The following PARG variants were observed in gnomAD, a reference collection of about 807,000 sequenced individuals.
The protein encoded by PARG is mitochondrial poly(ADP-ribose) glycohydrolase.
Under a neutral mutation model 113.0 loss-of-function variants are expected in PARG, and 35 were observed. That is an observed-to-expected ratio of 0.31 (90% CI 0.24 to 0.41). The LOEUF is 0.41. Ranked by LOEUF, PARG falls within the 10% of genes least tolerant of loss-of-function variation. The pLI, the probability that PARG is intolerant of heterozygous loss-of-function variation, is 1.00. For missense variants in PARG, 797 were observed against 1,169.4 expected (o/e 0.68, Z 4.64); for synonymous variants, 330 against 409.9 (o/e 0.81, Z 2.36).
At chr10:49,940,388 G>A (rs1412403789) in intron 1 of PARG, among the ~76,000 whole-genome samples, 4 of 145,232 alleles carry the variant, frequency 2.8e-5, no homozygotes, top group Non-Finnish European at 6.0e-5. Flanking sequence ...AATGCCCTTA[G>A]AGTTCAAAAT....
intron 7 of PARG, among the ~76,000 whole-genome samples, chr10:49,914,478 A>G (rs78281015): frequency 6.8e-4 from 104 of 152,368 alleles, no homozygotes; most frequent in Non-Finnish European, 1.0e-3. Context: ...CAAAAGCTCA[A>G]TAAGATAATT....
At chr10:49,888,110 T>A (rs1310415085) in intron 7 of PARG, among the ~76,000 whole-genome samples, 1 of 152,148 alleles carries the variant, frequency 6.6e-6, no homozygotes, top group African/African-American at 2.4e-5. Context: ...GGTGTCAACA[T>A]TTCACCAGTT....
At chr10:49,915,627 G>C (rs1460462494) in intron 7 of PARG, among the ~76,000 whole-genome samples, 4 of 151,950 alleles carry the variant, frequency 2.6e-5, no homozygotes, top group African/African-American at 9.7e-5. Context: ...GTATGTTTGA[G>C]AATATAAGAA....
chr10:49,903,432 A>G (rs1404273604), intron 7 of PARG, among the ~76,000 whole-genome samples: 1 of 152,060 alleles, frequency 6.6e-6, no homozygotes, highest in Non-Finnish European at 1.5e-5. Flanking sequence ...CAAGGCCCAC[A>G]TTTTTGTGTG....
intron 15 of PARG, among the ~76,000 whole-genome samples, chr10:49,834,540 T>C (rs961848874): frequency 1.3e-5 from 2 of 152,200 alleles, no homozygotes; most frequent in South Asian, 2.1e-4. Context: ...TGGAAAATTA[T>C]CTATCTTGAA....
chr10:49,904,243 T>C (rs1848471443), intron 7 of PARG, among the ~76,000 whole-genome samples: 2 of 152,058 alleles, frequency 1.3e-5, no homozygotes, highest in South Asian at 4.1e-4. Flanking sequence ...GTGACAAGGC[T>C]AGTTTTAGGT....
chr10:49,921,746 A>AAT (rs59723259), intron 6 of PARG, among the ~76,000 whole-genome samples: 2,057 of 148,244 alleles, frequency 0.014, 40 homozygotes, highest in African/African-American at 0.044. Context: ...CCCAAATATA[A>AAT]ATATATATAT....
chr10:49,897,458 T>C (rs1375109179), intron 7 of PARG, among the ~76,000 whole-genome samples: 4 of 152,318 alleles, frequency 2.6e-5, no homozygotes, highest in African/African-American at 9.6e-5. Context: ...ATACTTGTAT[T>C]AGAACACTTA....
At chr10:49,841,271 G>C (rs1376806083) in intron 15 of PARG, among the ~76,000 whole-genome samples, 1 of 151,410 alleles carries the variant, frequency 6.6e-6, no homozygotes, top group African/African-American at 2.4e-5. Context: ...AAGAAAAAAA[G>C]AAAAAAAAGA....
intron 16 of PARG, among the ~76,000 whole-genome samples, chr10:49,825,003 A>G (rs1287639590): frequency 6.6e-6 from 1 of 152,122 alleles, no homozygotes; most frequent in Non-Finnish European, 1.5e-5. Context: ...ATTTAAATGC[A>G]TGCTGTCAAG....
intron 1 of PARG, among the ~76,000 whole-genome samples, chr10:49,938,848 T>G (rs1261740975): frequency 2.0e-5 from 3 of 152,150 alleles, no homozygotes; most frequent in African/African-American, 7.2e-5. Context: ...GATAATTATA[T>G]ATAAAAATTT....
At chr10:49,883,040 T>C (rs1847290917) in intron 8 of PARG, among the ~76,000 whole-genome samples, 1 of 151,724 alleles carries the variant, frequency 6.6e-6, no homozygotes, top group African/African-American at 2.4e-5. Context: ...TGTTTTAAAA[T>C]ATATTTCCCC....
rs1554910423 is a variant in PARG, at chr10:49,933,450, C to A, written c.998G>T (p.Ser333Ile). 302 of 1,612,628 alleles carry A rather than the reference C, an allele frequency of 1.9e-4. 3 individuals are homozygous for A. The South Asian group carries it at 3.2e-3, about 17-fold the overall frequency. The change falls in exon 3 of 18, where the codon AGT becomes ATT. Residue 333 changes from serine to isoleucine, a missense_variant. Physicochemically the swap from Ser to Ile is moderately radical, Grantham distance 142. Coordinates refer to ENST00000616448, the MANE Select transcript of PARG (RefSeq NM_003631.5). ...AGGTTTATTTGCTGTTTGGGAGGAA[C>A]TACCATCTTCTTGTTCATCAAAACC... ...SPGFDEQEDGSSSQTANKPSR... is the reference protein window; with the variant it reads ...SPGFDEQEDGISSQTANKPSR...
intron 15 of PARG, among the ~76,000 whole-genome samples, chr10:49,837,355 T>C (rs1242127106): frequency 1.3e-5 from 2 of 148,242 alleles, no homozygotes; most frequent in African/African-American, 5.0e-5. Flanking sequence ...AAATGTGGGT[T>C]TTTTTTTTTT....
chr10:49,929,491 T>G (rs1314190265), intron 4 of PARG, among the ~76,000 whole-genome samples: 2 of 152,396 alleles, frequency 1.3e-5, no homozygotes, highest in East Asian at 1.9e-4. Flanking sequence ...CCTAAGAAAT[T>G]TGACATAAAG....
At chr10:49,903,605 G>A (rs533565204) in intron 7 of PARG, among the ~76,000 whole-genome samples, 2 of 152,306 alleles carry the variant, frequency 1.3e-5, no homozygotes, top group South Asian at 4.2e-4. Context: ...ACATGGAGTT[G>A]TGCACAGGTA....
intron 6 of PARG, among the ~76,000 whole-genome samples, chr10:49,918,809 G>T (rs1212308628): frequency 1.3e-5 from 2 of 152,058 alleles, no homozygotes; most frequent in African/African-American, 4.8e-5. Context: ...CTGTTCTATT[G>T]AATCTACCAT....
intron 6 of PARG, among the ~76,000 whole-genome samples, chr10:49,920,615 C>T (rs542053340): frequency 9.7e-4 from 137 of 141,744 alleles, no homozygotes; most frequent in Non-Finnish European, 1.7e-3. Context: ...TACATATATA[C>T]GTATATATAT....
chr10:49,922,305 T>C (rs115567191), intron 6 of PARG, 31 bp downstream of exon 6: 2,133 of 1,577,740 alleles, frequency 1.4e-3, no homozygotes, highest in East Asian at 9.7e-3. Context: ...ACAGGGCCCA[T>C]AAACAGGCAA....
Sources: gnomAD v4.1 joint callset for allele counts (sites outside exome capture counted in the v4.1 genomes callset) on GRCh38, gnomAD v4.1.1 for gene constraint, MANE v1.5 for transcripts, NCBI Gene and HGNC (gene_info 2026-07-23, HGNC 2026-07-21) for gene names.